The following CEP170 variants were observed in gnomAD, a reference collection of about 807,000 sequenced individuals.
CEP170 encodes the protein centrosomal protein of 170 kDa.
In CEP170, 21 loss-of-function variants were observed where a neutral mutation model predicts 151.9. The observed-to-expected ratio is 0.14, with a 90% confidence interval of 0.10 to 0.20. The LOEUF is 0.20. Ranked by LOEUF, CEP170 falls within the 10% of genes least tolerant of loss-of-function variation. The pLI is 1.00. For synonymous variants in CEP170, 356 were observed against 648.8 expected, an observed-to-expected ratio of 0.55 and a Z score of 6.86; for missense variants, 964 against 1,892.9, an observed-to-expected ratio of 0.51 and a Z score of 9.11.
At chr1:243,212,719 G>A (rs1039663014) in intron 3 of CEP170, among the ~76,000 whole-genome samples, 3 of 151,778 alleles carry the variant, frequency 2.0e-5, no homozygotes, top group African/African-American at 7.3e-5. Flanking sequence ...TCAGGGTCGC[G>A]GTGGTGCGAT....
intron 16 of CEP170, 84 bp downstream of exon 16, chr1:243,139,853 G>GC (rs1246486820): frequency 6.8e-7 from 1 of 1,464,080 alleles, no homozygotes; most frequent in Non-Finnish European, 9.1e-7. Context: ...TTTTTCCCCA[G>GC]CCCTACTCAC....
At chr1:243,130,285 TGAA>T (rs2054245782) in intron 17 of CEP170, among the ~76,000 whole-genome samples, 1 of 152,198 alleles carries the variant, frequency 6.6e-6, no homozygotes, top group Non-Finnish European at 1.5e-5. Context: ...TATATTATTT[TGAA>T]GACAAAAAAT....
chr1:243,170,370 C>A (rs868842169), intron 11 of CEP170, among the ~76,000 whole-genome samples: 1 of 150,798 alleles, frequency 6.6e-6, no homozygotes, highest in Admixed American at 6.6e-5. Context: ...GGCAACAGAG[C>A]GAGACTTCGT....
chr1:243,248,421 T>C (rs2065623187), intron 1 of CEP170, among the ~76,000 whole-genome samples: 1 of 152,200 alleles, frequency 6.6e-6, no homozygotes, highest in Non-Finnish European at 1.5e-5. Flanking sequence ...CTCTTCTCAG[T>C]CTAACTCCCT....
intron 14 of CEP170, among the ~76,000 whole-genome samples, chr1:243,155,849 C>T (rs11585421): frequency 0.31 from 46,716 of 151,852 alleles, 7,577 homozygotes; most frequent in South Asian, 0.48. Flanking sequence ...TATACTATTA[C>T]ATCTTTGGAA....
At chr1:243,205,681 T>G (rs1035947516) in intron 4 of CEP170, among the ~76,000 whole-genome samples, 1 of 152,186 alleles carries the variant, frequency 6.6e-6, no homozygotes, top group African/African-American at 2.4e-5. Flanking sequence ...TCCAGAAGAA[T>G]GCTCAAAAAT....
At chr1:243,231,965 T>C (rs1016751820) in intron 1 of CEP170, among the ~76,000 whole-genome samples, 4 of 151,050 alleles carry the variant, frequency 2.6e-5, no homozygotes, top group African/African-American at 4.9e-5. Context: ...CTTCTTCTTC[T>C]TTTTTTTTCT....
At chr1:243,148,769 T>C (rs1233992836) in intron 14 of CEP170, among the ~76,000 whole-genome samples, 1 of 152,156 alleles carries the variant, frequency 6.6e-6, no homozygotes, top group Admixed American at 6.5e-5. Flanking sequence ...AGTTTCCTAA[T>C]GATAAGGAAA....
intron 14 of CEP170, among the ~76,000 whole-genome samples, chr1:243,149,176 C>G (rs868726175): frequency 6.6e-6 from 1 of 152,010 alleles, no homozygotes; most frequent in Non-Finnish European, 1.5e-5. Flanking sequence ...ATTCTAGTCT[C>G]GAAACTAGAC....
At chr1:243,173,348 A>C (rs2058994313) in intron 10 of CEP170, among the ~76,000 whole-genome samples, 1 of 151,782 alleles carries the variant, frequency 6.6e-6, no homozygotes, top group Non-Finnish European at 1.5e-5. Flanking sequence ...GCATGAGCCA[A>C]CATGCCTGGC....
chr1:243,228,736 A>C (rs1414019240), intron 1 of CEP170, among the ~76,000 whole-genome samples: 1 of 152,250 alleles, frequency 6.6e-6, no homozygotes, highest in Non-Finnish European at 1.5e-5. Flanking sequence ...TTCTTAATAT[A>C]GCAAAGTCCC....
At chr1:243,178,326 A>G (rs918415431) in intron 10 of CEP170, among the ~76,000 whole-genome samples, 3 of 150,930 alleles carry the variant, frequency 2.0e-5, no homozygotes, top group Non-Finnish European at 4.4e-5. Context: ...AAAAAAAAAA[A>G]AAAAAAAAAG....
chr1:243,191,862 T>C (rs1240114471), intron 7 of CEP170, among the ~76,000 whole-genome samples: 1 of 152,104 alleles, frequency 6.6e-6, no homozygotes, highest in South Asian at 2.1e-4. Context: ...AATGTATATA[T>C]AAAAAGTGAC....
chr1:243,227,694 A>G (rs1001200194), intron 1 of CEP170, among the ~76,000 whole-genome samples: 1 of 152,228 alleles, frequency 6.6e-6, no homozygotes, highest in Non-Finnish European at 1.5e-5. Context: ...GATCTATGCT[A>G]AAGAGCCAAA....
intron 7 of CEP170, among the ~76,000 whole-genome samples, chr1:243,198,193 C>A (rs1390647060): frequency 6.6e-6 from 1 of 152,082 alleles, no homozygotes; most frequent in Non-Finnish European, 1.5e-5. Flanking sequence ...GCTGTTATCT[C>A]AAAAACTGGC....
Position 243,201,135 on chromosome 1 carries a change from TATGAG to T in CEP170, c.275-305_275-301del, listed in dbSNP as rs1162420579. ...CATTTTCAATTTTCACTAACAATAA[TATGAG>T]ATAACTACAAAGAAAAAGTACATGC... On this transcript the variant is annotated intron_variant, in intron 4 of 19. Coordinates refer to ENST00000366542, the MANE Select transcript of CEP170 (RefSeq NM_014812.3). Among the ~76,000 whole-genome samples, 8 of 152,170 alleles carry T rather than the reference TATGAG, an allele frequency of 5.3e-5. No individual in the cohort carries two copies. In the South Asian group the frequency reaches 1.7e-3, roughly 32 times the overall value.
chr1:243,139,878 T>C, intron 16 of CEP170, 59 bp downstream of exon 16: 1 of 1,556,026 alleles, frequency 6.4e-7, no homozygotes, highest in Non-Finnish European at 8.7e-7. Context: ...TGGTTCCTCC[T>C]TTTCTTACTT....
intron 4 of CEP170, among the ~76,000 whole-genome samples, chr1:243,208,210 C>T (rs1035105153): frequency 3.9e-5 from 6 of 152,012 alleles, no homozygotes; most frequent in Admixed American, 2.6e-4. Flanking sequence ...GATATATCAC[C>T]CTGGTCCAAA....
chr1:243,131,493 C>T (rs755031253), intron 17 of CEP170, among the ~76,000 whole-genome samples: 3 of 150,998 alleles, frequency 2.0e-5, no homozygotes, highest in Non-Finnish European at 4.4e-5. Flanking sequence ...AAACAAAAAA[C>T]AAAAAACAAA....
Sources: allele counts gnomAD v4.1 joint callset (sites outside exome capture counted in the v4.1 genomes callset), GRCh38; gene constraint gnomAD v4.1.1; transcripts MANE v1.5; gene names NCBI Gene and HGNC (gene_info 2026-07-23, HGNC 2026-07-21).